Variants in IFRD1 observed in about 807,000 individuals in gnomAD.
The protein encoded by IFRD1 is interferon related developmental regulator 1, also known as interferon-related developmental regulator 1.
IFRD1 carries 35 observed loss-of-function variants against 52.9 expected under a neutral mutation model. The ratio of observed to expected loss-of-function variants is 0.66; its 90% CI spans 0.51 to 0.88. IFRD1 has a LOEUF of 0.88. Ranked by LOEUF, IFRD1 falls within the 40% of genes least tolerant of loss-of-function variation. The probability of loss-of-function intolerance (pLI) is 0.00; values close to 1 mark genes in which losing one functional copy is unlikely to be tolerated. For missense variants in IFRD1, 517 were observed against 550.8 expected, an observed-to-expected ratio of 0.94 and a Z score of 0.61; for synonymous variants, 184 against 188.4, an observed-to-expected ratio of 0.98 and a Z score of 0.19.
intron 11 of IFRD1, among the ~76,000 whole-genome samples, chr7:112,473,779 A>G (rs1211000209): frequency 2.0e-5 from 3 of 152,130 alleles, no homozygotes; most frequent in Non-Finnish European, 4.4e-5. Context: ...GATGAAATTC[A>G]TATAACAGAC....
intron 1 of IFRD1, among the ~76,000 whole-genome samples, chr7:112,424,445 G>A (rs928240545): frequency 1.3e-4 from 20 of 150,654 alleles, no homozygotes; most frequent in African/African-American, 4.6e-4. Flanking sequence ...ACAGAGTTTC[G>A]CTCTTGTTGT....
Position 112,452,671 on chromosome 7 carries a change from A to G in IFRD1, c.94+1889A>G, listed in dbSNP as rs181423260. On this transcript the variant is annotated intron_variant, in intron 1 of 11. Transcript: ENST00000403825. Reference sequence around the variant, plus strand: ...AGCCTCCTTCCCTCTTTGTGCTTATAGTACCTATACAGGCCTCTGGTGGCT... The same window carrying G: ...AGCCTCCTTCCCTCTTTGTGCTTATGGTACCTATACAGGCCTCTGGTGGCT... 3.3e-5 allele frequency among the ~76,000 whole-genome samples: 5 copies of G among 152,316 alleles called. No homozygotes were observed. In the East Asian group the frequency reaches 7.7e-4, roughly 23 times the overall value.
At chr7:112,460,042 G>T (rs2117305188) in intron 5 of IFRD1, among the ~76,000 whole-genome samples, 1 of 152,186 alleles carries the variant, frequency 6.6e-6, no homozygotes, top group East Asian at 1.9e-4. Context: ...GGAACTATTG[G>T]TATAATTTCA....
Position 112,462,088 on chromosome 7 carries a change from C to T in IFRD1, c.706C>T (p.Pro236Ser). The T allele has an allele frequency of 6.2e-7, 1 of 1,610,816 alleles. No individual in the cohort carries two copies. The change falls in exon 7 of 12, where the codon CCT becomes TCT. Residue 236 changes from proline (P) to serine (S), a missense_variant. Pro to Ser is a moderately conservative substitution (Grantham distance 74, BLOSUM62 -1). Transcript: ENST00000403825. The stretch of plus-strand genomic sequence containing the variant: ...AGACACTACTGTTATTTGCAGCACT[C>T]CTAATACAGTGCTTCATATCAGCTC... ...EKDTTVICST[P>S]NTVLHISSLL...
rs1702704646 is a variant in IFRD1 at position 112,469,181 on chromosome 7, A to ATG, written c.1041+1075_1041+1076dup. Among the ~76,000 whole-genome samples, 3 of 152,136 alleles carry ATG rather than the reference A, an allele frequency of 2.0e-5. No homozygotes were observed. The South Asian group carries it at 6.2e-4, about 31-fold the overall frequency. ...TATCATCAAAATGTCATTCAACTTG[A>ATG]TGTGTGTGTGAAAATTTAAAATGAG... On this transcript the variant is annotated intron_variant, in intron 9 of 11. Coordinates refer to ENST00000403825, the MANE Select transcript of IFRD1 (RefSeq NM_001550.4).
In IFRD1 at chr7:112,459,154, C is replaced by T. The variant is rs148972399; in HGVS notation, c.567+136C>T. On this transcript the variant is annotated intron_variant, in intron 5 of 11. Transcript: ENST00000403825. The stretch of plus-strand genomic sequence containing the variant: ...TTGTAAGTCCAGGAGTTTGAGGCAG[C>T]GGTGAGCTATAATCATGCCACTGAA... 5.5e-5 allele frequency: 41 copies of T among 742,238 alleles called. 1 individual carries two copies. The Middle Eastern group carries it at 1.1e-3, about 20-fold the overall frequency. The allele number at this position is 742,238 out of a possible 1,614,324, so 46.0% of individuals were successfully genotyped here.
chr7:112,443,953 G>C (rs1211418847), intron 1 of IFRD1, among the ~76,000 whole-genome samples: 1 of 151,776 alleles, frequency 6.6e-6, no homozygotes, highest in East Asian at 1.9e-4. Flanking sequence ...GTAGAATGTA[G>C]AGAGGTTGGT....
intron 9 of IFRD1, among the ~76,000 whole-genome samples, chr7:112,469,789 C>A (rs1795701422): frequency 6.6e-6 from 1 of 152,166 alleles, no homozygotes; most frequent in Non-Finnish European, 1.5e-5. Flanking sequence ...TTGTGTATTC[C>A]TCAGGCACTG....
chr7:112,472,532 T>C (rs1245977135), intron 10 of IFRD1, among the ~76,000 whole-genome samples, 185 bp downstream of exon 10: 4 of 152,188 alleles, frequency 2.6e-5, no homozygotes, highest in African/African-American at 9.7e-5. Flanking sequence ...TTCTTTGTAT[T>C]GTTAAAGTTG....
chr7:112,463,820 G>GTA (rs1795527402), intron 8 of IFRD1, among the ~76,000 whole-genome samples: 1 of 137,742 alleles, frequency 7.3e-6, no homozygotes, highest in Non-Finnish European at 1.6e-5. Context: ...ATACATACAT[G>GTA]TATATACATA....
At chr7:112,426,303 T>G (rs1003707355) in intron 1 of IFRD1, among the ~76,000 whole-genome samples, 1 of 152,222 alleles carries the variant, frequency 6.6e-6, no homozygotes, top group Non-Finnish European at 1.5e-5. Flanking sequence ...CAGTTGAGTA[T>G]GGACATTTGG....
intron 1 of IFRD1, among the ~76,000 whole-genome samples, chr7:112,451,780 G>A (rs1044875137): frequency 2.0e-5 from 3 of 152,100 alleles, no homozygotes; most frequent in African/African-American, 7.2e-5. Flanking sequence ...ATTTAAACAG[G>A]AGTTAAATAT....
intron 4 of IFRD1, chr7:112,458,468 A>T (rs1280073442): frequency 3.7e-6 from 1 of 270,638 alleles, no homozygotes; most frequent in Non-Finnish European, 7.2e-6. Flanking sequence ...TGCTTAGGAG[A>T]TTAATTCAAG....
At chr7:112,465,699 G>C (rs3807213) in intron 8 of IFRD1, among the ~76,000 whole-genome samples, 1 of 151,888 alleles carries the variant, frequency 6.6e-6, no homozygotes, top group Non-Finnish European at 1.5e-5. Context: ...CTAATGTAGT[G>C]CTGCCTGAGG....
chr7:112,466,079 TTTA>T (rs982110517), intron 8 of IFRD1, among the ~76,000 whole-genome samples: 2 of 152,094 alleles, frequency 1.3e-5, no homozygotes, highest in Non-Finnish European at 2.9e-5. Flanking sequence ...GCTGGTTTTT[TTTA>T]TTATTATAAG....
chr7:112,454,970 G>T (rs1382087583), intron 1 of IFRD1, among the ~76,000 whole-genome samples: 1 of 145,040 alleles, frequency 6.9e-6, no homozygotes, highest in Non-Finnish European at 1.5e-5. Context: ...AGGCTCAAGC[G>T]ATTCTTCTGC....
intron 1 of IFRD1, chr7:112,437,312 A>T (rs570979292): frequency 6.5e-6 from 1 of 154,944 alleles, no homozygotes; most frequent in South Asian, 2.0e-4. Context: ...GGTTACAAAG[A>T]TGAATTAGAT....
rs769607345 is a variant in IFRD1 at position 112,468,063 on chromosome 7, T to C, written c.989T>C (p.Val330Ala). ...ATDGNKHRAKVDKRKQRSVFR... is the reference protein window; with the variant it reads ...ATDGNKHRAKADKRKQRSVFR... Reference sequence around the variant, plus strand: ...GATGGAAATAAACACCGGGCCAAAGTGGACAAGAGAAAGCAGCGGTCAGTT... The same window carrying C: ...GATGGAAATAAACACCGGGCCAAAGCGGACAAGAGAAAGCAGCGGTCAGTT... The change falls in exon 9 of 12, where the codon GTG (valine) becomes GCG (alanine). Residue 330 changes from valine (V) to alanine (A), a missense_variant. Physicochemically the swap from Val to Ala is moderately conservative, Grantham distance 64. Transcript: ENST00000403825. 2 of 1,614,088 alleles carry C rather than the reference T, an allele frequency of 1.2e-6. No homozygotes were observed. The highest frequency in any genetic ancestry group is 3.3e-5 in the Admixed American group (2 of 60,010).
At chr7:112,444,893 T>C (rs1308195546) in intron 1 of IFRD1, among the ~76,000 whole-genome samples, 1 of 152,022 alleles carries the variant, frequency 6.6e-6, no homozygotes, top group African/African-American at 2.4e-5. Context: ...AACCTCAGCA[T>C]CATGCAATAT....
Sources: allele counts gnomAD v4.1 joint callset (sites outside exome capture counted in the v4.1 genomes callset), GRCh38; gene constraint gnomAD v4.1.1; transcripts MANE v1.5; gene names NCBI Gene and HGNC (gene_info 2026-07-23, HGNC 2026-07-21).